SMARCAL1: variants seen among roughly 807,000 people sequenced by gnomAD.
The protein encoded by SMARCAL1 is SNF2 related chromatin remodeling annealing helicase 1, also known as ATP-driven annealing helicase.
SMARCAL1 carries 58 observed loss-of-function variants against 94.5 expected under a neutral mutation model. The ratio of observed to expected loss-of-function variants is 0.61; its 90% CI spans 0.50 to 0.76. The LOEUF is 0.76. Among genes scored for constraint, SMARCAL1 ranks in the 30% least tolerant of loss-of-function variants. The pLI, the probability that SMARCAL1 is intolerant of heterozygous loss-of-function variation, is 0.00. For missense variants in SMARCAL1, 1,051 were observed against 1,177.9 expected (o/e 0.89, Z 1.58); for synonymous variants, 422 against 455.1 (o/e 0.93, Z 0.93).
In SMARCAL1 at chr2:216,415,363, G is replaced by A; in HGVS notation, c.659G>A (p.Gly220Glu). 1 of 1,614,220 alleles carries A rather than the reference G, an allele frequency of 6.2e-7. No individual in the cohort carries two copies. Among genetic ancestry groups the A allele is most frequent in the Non-Finnish European group, 8.5e-7 (1 of 1,180,038 alleles). ...SSESVTPRTE[G>E]RLQQKSGSSV... ...GAGAGTGTAACGCCCAGGACAGAAGGAAGACTCCAGCAGAAGTCAGGGTCC... is the reference window on the plus strand; with the variant it reads ...GAGAGTGTAACGCCCAGGACAGAAGAAAGACTCCAGCAGAAGTCAGGGTCC... The change falls in exon 3 of 18, where the codon GGA becomes GAA. Residue 220 changes from glycine to glutamate, a missense_variant. Gly to Glu is a moderately conservative substitution (Grantham distance 98). Coordinates refer to ENST00000357276, the MANE Select transcript of SMARCAL1 (RefSeq NM_014140.4).
intron 12 of SMARCAL1, among the ~76,000 whole-genome samples, chr2:216,460,387 G>A (rs1204533383): frequency 6.6e-6 from 1 of 152,174 alleles, no homozygotes; most frequent in Non-Finnish European, 1.5e-5. Context: ...ACATGCATAT[G>A]TATGTTTATT....
chr2:216,428,985 C>T (rs540697508), intron 7 of SMARCAL1, among the ~76,000 whole-genome samples: 10 of 152,348 alleles, frequency 6.6e-5, no homozygotes, highest in Admixed American at 2.0e-4. Flanking sequence ...ATGGGTTAAT[C>T]AAGACTCTGA....
intron 10 of SMARCAL1, among the ~76,000 whole-genome samples, chr2:216,439,592 G>A (rs1201965014): frequency 2.6e-5 from 4 of 152,114 alleles, no homozygotes; most frequent in African/African-American, 4.8e-5. Flanking sequence ...AAACAAATAC[G>A]CTGAATGTTA....
In SMARCAL1 at chr2:216,482,999, A is replaced by G. The variant is rs766794300; in HGVS notation, c.*22A>G. 1.2e-6 allele frequency: 2 copies of G among 1,610,636 alleles called. No homozygotes were observed. The highest frequency in any genetic ancestry group is 2.7e-5 in the African/African-American group (2 of 74,608). ...GTAAAAGGGGCAAAAAGAAAAAAATAAAAAGCATTTTAAAATCATGGAATT... is the reference window on the plus strand; with the variant it reads ...GTAAAAGGGGCAAAAAGAAAAAAATGAAAAGCATTTTAAAATCATGGAATT... On this transcript the variant is annotated 3_prime_UTR_variant, in exon 18 of 18. Transcript: ENST00000357276. The surrounding 1 kb of genome is among the most constrained non-coding windows in gnomAD (Gnocchi z 4.3).
chr2:216,428,879 T>G, intron 7 of SMARCAL1, 97 bp downstream of exon 7: 2 of 1,128,170 alleles, frequency 1.8e-6, no homozygotes, highest in Non-Finnish European at 2.7e-6. Flanking sequence ...GAACTTTTAT[T>G]TACCATGGAT....
At position 216,482,930 on chromosome 2, in the gene SMARCAL1, A is replaced by G. The variant is rs777965487; in HGVS notation, c.2818A>G (p.Arg940Gly). The change falls in exon 18 of 18, where the codon AGA becomes GGA. Residue 940 changes from arginine to glycine, a missense_variant. Around this residue, in one of 3 missense-constraint regions of SMARCAL1, gnomAD observed 642 missense variants for 754.7 expected, o/e 0.85. Transcript: ENST00000357276. This position sits in a 1 kb window ranked among gnomAD's most constrained non-coding sequence, Gnocchi z 4.3. Reference sequence around the variant, plus strand: ...GACAGCCAGTCCACAGAAGAAAAGGAGATTTGAATTTTTTGATAACTGGGA... The same window carrying G: ...GACAGCCAGTCCACAGAAGAAAAGGGGATTTGAATTTTTTGATAACTGGGA... ...SLTASPQKKRRFEFFDNWDSF... is the reference protein window; with the variant it reads ...SLTASPQKKRGFEFFDNWDSF... The G allele has an allele frequency of 6.2e-7, 1 of 1,614,228 alleles. No individual in the cohort carries two copies. The highest frequency in any genetic ancestry group is 8.5e-7 in the Non-Finnish European group (1 of 1,180,038).
intron 17 of SMARCAL1, among the ~76,000 whole-genome samples, chr2:216,480,112 CCTT>C (rs1695165019): frequency 6.6e-6 from 1 of 152,142 alleles, no homozygotes; most frequent in South Asian, 2.1e-4. Context: ...ATTTATTCCT[CCTT>C]GCCTTTCTCT....
At chr2:216,433,492 C>A (rs927162011) in intron 8 of SMARCAL1, among the ~76,000 whole-genome samples, 1 of 152,208 alleles carries the variant, frequency 6.6e-6, no homozygotes, top group Non-Finnish European at 1.5e-5. Flanking sequence ...AAAATGGAAT[C>A]TCAGAGGTTA....
chr2:216,459,402 G>T (rs1273378729), intron 12 of SMARCAL1, among the ~76,000 whole-genome samples: 1 of 152,144 alleles, frequency 6.6e-6, no homozygotes, highest in African/African-American at 2.4e-5. Context: ...AAAGAACAAA[G>T]CTGGAGTCAT....
chr2:216,460,004 C>T (rs544221069), intron 12 of SMARCAL1, among the ~76,000 whole-genome samples: 5 of 152,302 alleles, frequency 3.3e-5, no homozygotes, highest in African/African-American at 1.2e-4. Context: ...AAACGAACAA[C>T]CCCATCAACA....
At chr2:216,450,241 G>C (rs1694417422) in intron 11 of SMARCAL1, among the ~76,000 whole-genome samples, 2 of 152,206 alleles carry the variant, frequency 1.3e-5, no homozygotes, top group Non-Finnish European at 2.9e-5. Context: ...TGTTTATGAA[G>C]GACTGCCTAG....
intron 14 of SMARCAL1, among the ~76,000 whole-genome samples, chr2:216,473,836 T>C (rs1034045910): frequency 6.6e-6 from 1 of 152,194 alleles, no homozygotes; most frequent in Non-Finnish European, 1.5e-5. Context: ...AATTGACTTT[T>C]GAGCATTTTT....
rs953666065 is a variant in SMARCAL1 at position 216,482,460 on chromosome 2, A to G, written c.2626-278A>G. ...CAAAGGGAGAAAACATTTCCAATGT[A>G]AATTATAGCGTGAGAGCAGCTTCTT... On this transcript the variant is annotated intron_variant, in intron 17 of 17. Transcript: ENST00000357276. The surrounding 1 kb of genome is among the most constrained non-coding windows in gnomAD (Gnocchi z 4.3). 2.0e-5 allele frequency among the ~76,000 whole-genome samples: 3 copies of G among 152,186 alleles called. No homozygotes were observed. The highest frequency in any genetic ancestry group is 4.4e-5 in the Non-Finnish European group (3 of 68,042).
intron 6 of SMARCAL1, among the ~76,000 whole-genome samples, chr2:216,427,786 A>G (rs963078809): frequency 6.6e-6 from 1 of 152,242 alleles, no homozygotes. Context: ...CAGTATTTAC[A>G]GTGGTAACCA....
chr2:216,460,148 A>G (rs1694663571), intron 12 of SMARCAL1, among the ~76,000 whole-genome samples: 1 of 152,232 alleles, frequency 6.6e-6, no homozygotes, highest in African/African-American at 2.4e-5. Flanking sequence ...ACCATCTCAC[A>G]CCAGTTAGAA....
chr2:216,467,330 G>A (rs1234552999), intron 13 of SMARCAL1, among the ~76,000 whole-genome samples: 3 of 151,850 alleles, frequency 2.0e-5, no homozygotes, highest in Admixed American at 1.3e-4. Flanking sequence ...AATTAGCTGG[G>A]CGTTGTGGTA....
intron 9 of SMARCAL1, among the ~76,000 whole-genome samples, chr2:216,436,169 A>G (rs993925611): frequency 1.3e-5 from 2 of 152,124 alleles, no homozygotes; most frequent in African/African-American, 4.8e-5. Flanking sequence ...GGGTTTCACC[A>G]TGTTGGCCAA....
rs572241737 is a variant in SMARCAL1 at position 216,419,577 on chromosome 2, G to C, written c.863-722G>C. On this transcript the variant is annotated intron_variant, in intron 4 of 17. Transcript: ENST00000357276. ...TCCTTTGTTCTCTGAGCAGTAGACAGAGTAGCGACCTAGGAGTGGGCTTAA... is the reference window on the plus strand; with the variant it reads ...TCCTTTGTTCTCTGAGCAGTAGACACAGTAGCGACCTAGGAGTGGGCTTAA... Among the ~76,000 whole-genome samples the C allele has an allele frequency of 2.6e-5, 4 of 152,322 alleles. No homozygotes were observed. In the East Asian group the frequency reaches 7.7e-4, roughly 29 times the overall value.
At chr2:216,445,019 C>A (rs1269108960) in intron 10 of SMARCAL1, among the ~76,000 whole-genome samples, 1 of 152,170 alleles carries the variant, frequency 6.6e-6, no homozygotes, top group Non-Finnish European at 1.5e-5. Context: ...TTTCTAACAC[C>A]ACACAGAAAG....
Sources: allele counts gnomAD v4.1 joint callset (sites outside exome capture counted in the v4.1 genomes callset), GRCh38; gene constraint gnomAD v4.1.1; regional missense constraint gnomAD v4.1.1; non-coding constraint Gnocchi (gnomAD v3.1); transcripts MANE v1.5; gene names NCBI Gene and HGNC (gene_info 2026-07-23, HGNC 2026-07-21).